The following HDGFL3 variants were observed in gnomAD, a reference collection of about 807,000 sequenced individuals.
HDGFL3 encodes the protein HDGF like 3.
A neutral mutation model predicts 27.6 loss-of-function variants in HDGFL3; 6 were observed. That is an observed-to-expected ratio of 0.22 (90% confidence interval 0.12 to 0.43). HDGFL3 has a LOEUF of 0.43. HDGFL3 is among the 20% of genes least tolerant of loss of function. The pLI is 1.00. For synonymous variants in HDGFL3, 88 were observed against 88.9 expected (o/e 0.99, Z 0.05); for missense variants, 207 against 250.1 (o/e 0.83, Z 1.16).
intron 1 of HDGFL3, among the ~76,000 whole-genome samples, chr15:83,182,556 G>C (rs1246806852): frequency 6.6e-6 from 1 of 152,076 alleles, no homozygotes; most frequent in Non-Finnish European, 1.5e-5. Flanking sequence ...ACAAGAGTAC[G>C]TATTGGATGA....
At chr15:83,161,360 T>A (rs1306947267) in intron 2 of HDGFL3, among the ~76,000 whole-genome samples, 1 of 152,166 alleles carries the variant, frequency 6.6e-6, no homozygotes, top group East Asian at 1.9e-4. Flanking sequence ...GGGATCTCAC[T>A]ATATTGCCCA....
intron 1 of HDGFL3, among the ~76,000 whole-genome samples, chr15:83,172,031 C>G (rs1285752681): frequency 6.6e-6 from 1 of 152,194 alleles, no homozygotes; most frequent in Non-Finnish European, 1.5e-5. Context: ...TAACATTCCC[C>G]TTCCCAGTCT....
chr15:83,187,848 G>C lies in HDGFL3; in HGVS notation c.84+19483C>G, dbSNP rs1270800983. 4.1e-5 allele frequency among the ~76,000 whole-genome samples: 6 copies of C among 146,676 alleles called. No individual in the cohort carries two copies. In the East Asian group the frequency reaches 1.2e-3, roughly 29 times the overall value. ...GTTGCAGTGAGCTGAGATTGTGCCA[G>C]TGCACTCTGGCCTGGGCAACAAGAG... On this transcript the variant is annotated intron_variant, in intron 1 of 5. Coordinates refer to ENST00000299633, the MANE Select transcript of HDGFL3 (RefSeq NM_016073.4).
chr15:83,182,287 G>C (rs191233996), intron 1 of HDGFL3, among the ~76,000 whole-genome samples: 56 of 151,586 alleles, frequency 3.7e-4, no homozygotes, highest in Non-Finnish European at 7.1e-4. Flanking sequence ...ATCTTCTGTG[G>C]ATATCTTTTA....
chr15:83,120,587 CTTTTTTTT>C (rs993490763), intron 3 of HDGFL3, among the ~76,000 whole-genome samples: 3 of 125,958 alleles, frequency 2.4e-5, no homozygotes, highest in East Asian at 2.4e-4. Flanking sequence ...CCAGCTAATT[CTTTTTTTT>C]TTTTTTTTTT....
intron 5 of HDGFL3, among the ~76,000 whole-genome samples, chr15:83,150,314 A>C (rs1361388334): frequency 6.6e-6 from 1 of 152,186 alleles, no homozygotes; most frequent in Non-Finnish European, 1.5e-5. Flanking sequence ...GTTAGCAGGT[A>C]TATGTCCCTG....
chr15:83,193,751 G>C (rs2037539754), intron 1 of HDGFL3, among the ~76,000 whole-genome samples: 1 of 152,156 alleles, frequency 6.6e-6, no homozygotes. Flanking sequence ...CTTTTTCTAG[G>C]AATTTCTGCA....
At chr15:83,150,513 G>A (rs2036950471) in intron 5 of HDGFL3, among the ~76,000 whole-genome samples, 1 of 152,054 alleles carries the variant, frequency 6.6e-6, no homozygotes, top group African/African-American at 2.4e-5. Context: ...GAGGTAAACA[G>A]GACTGACATG....
chr15:83,185,940 G>A (rs1382911102), intron 1 of HDGFL3: 1 of 152,246 alleles, frequency 6.6e-6, no homozygotes, highest in Non-Finnish European at 1.5e-5. Flanking sequence ...GAAGCCAGCT[G>A]CCATGTTGTC....
In HDGFL3 at chr15:83,130,817, A is replaced by T. The variant is rs1334068434; in HGVS notation, c.*8453T>A. On this transcript the variant is annotated 3_prime_UTR_variant, in exon 6 of 6. Transcript: ENST00000299633. Reference sequence around the variant, plus strand: ...CACAGAAAGCACTCTCCAGCAAGGCACGGTGGCTCACACCTGTAATCCCAG... The same window carrying T: ...CACAGAAAGCACTCTCCAGCAAGGCTCGGTGGCTCACACCTGTAATCCCAG... The T allele has an allele frequency of 2.0e-5, 3 of 152,206 alleles. No individual in the cohort carries two copies. Among genetic ancestry groups the T allele is most frequent in the Admixed American group, 1.3e-4 (2 of 15,260 alleles). 9.4% of individuals were successfully genotyped at this position (152,206 alleles called of 1,614,324 possible).
At chr15:83,164,211 T>A (rs1453893648) in intron 1 of HDGFL3, 136 bp from the exon 2 acceptor site, 3 of 602,328 alleles carry the variant, frequency 5.0e-6, no homozygotes, top group Non-Finnish European at 8.4e-6. Context: ...TACAAAATGA[T>A]TCTAAAGTTC....
chr15:83,127,589 T>G (rs1175914996), downstream of HDGFL3: 5 of 1,186,384 alleles, frequency 4.2e-6, no homozygotes, highest in Admixed American at 1.2e-4. Flanking sequence ...CTATTAGACA[T>G]GTCACCTTTT....
intron 1 of HDGFL3, among the ~76,000 whole-genome samples, chr15:83,180,609 A>C (rs182563835): frequency 6.6e-6 from 1 of 150,822 alleles, no homozygotes; most frequent in Admixed American, 6.6e-5. Context: ...TAAAAATAAG[A>C]GTCTGTTTGG....
chr15:83,195,648 C>T (rs755352109), intron 1 of HDGFL3, among the ~76,000 whole-genome samples: 15 of 152,030 alleles, frequency 9.9e-5, no homozygotes, highest in Admixed American at 2.0e-4. Context: ...ACCCAATTCA[C>T]GTAGTTCTAC....
At chr15:83,115,575 G>A in exon 4 of HDGFL3, 1 of 587,688 alleles carries the variant, frequency 1.7e-6, no homozygotes, top group Non-Finnish European at 3.2e-6. Flanking sequence ...AGAATCTTCT[G>A]TGACTGAGCC....
chr15:83,198,764 ACTAAT>A (rs2037602271), intron 1 of HDGFL3, among the ~76,000 whole-genome samples: 1 of 152,216 alleles, frequency 6.6e-6, no homozygotes, highest in Non-Finnish European at 1.5e-5. Flanking sequence ...TCTTGCAAGA[ACTAAT>A]CTATTCTCAG....
intron 1 of HDGFL3, among the ~76,000 whole-genome samples, chr15:83,197,206 A>G (rs1424272065): frequency 1.3e-5 from 2 of 152,244 alleles, no homozygotes; most frequent in East Asian, 3.8e-4. Context: ...GCTGGAGAAC[A>G]GCCAGAGTTC....
exon 4 of HDGFL3, chr15:83,114,349 T>C (rs1489937693): frequency 1.3e-5 from 2 of 152,320 alleles, no homozygotes; most frequent in Non-Finnish European, 2.9e-5. Context: ...GCAGAGACCA[T>C]GTCCTTGTCA....
At chr15:83,166,566 A>C (rs1596555224) in intron 1 of HDGFL3, among the ~76,000 whole-genome samples, 1 of 152,302 alleles carries the variant, frequency 6.6e-6, no homozygotes, top group South Asian at 2.1e-4. Flanking sequence ...AAAGTACAAA[A>C]CAACTGTATT....
Sources: gnomAD v4.1 joint callset for allele counts (sites outside exome capture counted in the v4.1 genomes callset) on GRCh38, gnomAD v4.1.1 for gene constraint, MANE v1.5 for transcripts, NCBI Gene and HGNC (gene_info 2026-07-23, HGNC 2026-07-21) for gene names.